The following CSMD1 variants were observed in gnomAD, a reference collection of about 807,000 sequenced individuals.
The protein encoded by CSMD1 is CUB and Sushi multiple domains 1, also known as CUB and sushi domain-containing protein 1.
A neutral mutation model predicts 417.5 loss-of-function variants in CSMD1; 213 were observed. That is an observed-to-expected ratio of 0.51 (90% CI 0.46 to 0.57). The LOEUF (loss-of-function observed/expected upper bound fraction) is 0.57. Among genes scored for constraint, CSMD1 ranks in the 20% least tolerant of loss-of-function variants. CSMD1 has a pLI of 0.00. For synonymous variants in CSMD1, 2,862 were observed against 1,736.8 expected, an observed-to-expected ratio of 1.65 and a Z score of -16.11; for missense variants, 6,923 against 4,529.7, an observed-to-expected ratio of 1.53 and a Z score of -15.17.
rs182988409 is a variant in CSMD1, at chr8:4,974,294, G to T, written c.85+20038C>A. Among the ~76,000 whole-genome samples, 385 of 152,050 alleles carry T rather than the reference G, an allele frequency of 2.5e-3. 2 individuals carry two copies. The highest frequency in any genetic ancestry group is 8.8e-3 in the African/African-American group (363 of 41,484). On this transcript the variant is annotated intron_variant, in intron 1 of 69. Transcript: ENST00000635120. ...ACCTGTCTCCACCTCCCAAAGTGCT[G>T]GGATTACAGGCGCAAGATTTTATTT...
chr8:2,965,611 G>C (rs1034049737), intron 59 of CSMD1, among the ~76,000 whole-genome samples, 164 bp downstream of exon 59: 2 of 152,156 alleles, frequency 1.3e-5, no homozygotes, highest in Non-Finnish European at 2.9e-5. Flanking sequence ...GTAAAACTGA[G>C]ATTAAAGTAT....
At chr8:3,642,071 C>T (rs989979500) in intron 7 of CSMD1, among the ~76,000 whole-genome samples, 4 of 152,040 alleles carry the variant, frequency 2.6e-5, no homozygotes, top group Non-Finnish European at 5.9e-5. Context: ...GATGGATACA[C>T]TGAGGGCAAA....
chr8:4,759,823 T>G (rs187217580), intron 1 of CSMD1, among the ~76,000 whole-genome samples: 1 of 152,224 alleles, frequency 6.6e-6, no homozygotes, highest in Non-Finnish European at 1.5e-5. Flanking sequence ...TGATGGACAT[T>G]TGGGTTGATT....
chr8:3,709,678 A>ATTTTTT (rs1563296488), intron 6 of CSMD1, among the ~76,000 whole-genome samples: 3 of 24,318 alleles, frequency 1.2e-4, no homozygotes, highest in Non-Finnish European at 2.7e-4. Flanking sequence ...TTGCAGCAGC[A>ATTTTTT]TGTTTTTTTT....
At chr8:4,248,651 G>C (rs919907968) in intron 3 of CSMD1, among the ~76,000 whole-genome samples, 1 of 151,960 alleles carries the variant, frequency 6.6e-6, no homozygotes, top group African/African-American at 2.4e-5. Flanking sequence ...ACACCATTAA[G>C]GACCACCCAC....
At chr8:3,968,806 GA>G (rs753072539) in intron 5 of CSMD1, among the ~76,000 whole-genome samples, 4 of 152,126 alleles carry the variant, frequency 2.6e-5, no homozygotes, top group African/African-American at 4.8e-5. Context: ...AATTAACAGA[GA>G]AAACACTGAT....
chr8:3,245,942 G>C lies in CSMD1; in HGVS notation c.4154-15711C>G, dbSNP rs544268045. On this transcript the variant is annotated intron_variant, in intron 26 of 69. Coordinates refer to ENST00000635120, the MANE Select transcript of CSMD1 (RefSeq NM_033225.6). ...CTTGAAAGCCTATTCAACAATAATA[G>C]TGTTTTTATTTTTTTCTCTATTACT... 3.9e-5 allele frequency among the ~76,000 whole-genome samples: 6 copies of C among 152,266 alleles called. No individual in the cohort carries two copies. In the East Asian group the frequency reaches 1.2e-3, roughly 29 times the overall value.
intron 1 of CSMD1, among the ~76,000 whole-genome samples, chr8:4,938,214 G>A (rs1807752461): frequency 6.6e-6 from 1 of 152,146 alleles, no homozygotes; most frequent in Non-Finnish European, 1.5e-5. Flanking sequence ...TACTAGTGAA[G>A]CTCTGGAGTG....
At chr8:3,519,712 G>A (rs185265048) in intron 10 of CSMD1, among the ~76,000 whole-genome samples, 18 of 152,228 alleles carry the variant, frequency 1.2e-4, no homozygotes, top group Admixed American at 4.6e-4. Flanking sequence ...AGTGGTGCAC[G>A]CTATACAATG....
At chr8:2,985,014 A>C (rs894872319) in intron 54 of CSMD1, among the ~76,000 whole-genome samples, 3 of 152,376 alleles carry the variant, frequency 2.0e-5, no homozygotes, top group Middle Eastern at 3.4e-3. Flanking sequence ...CTGAACAGAT[A>C]CTGGAACAAA....
At chr8:4,010,783 A>G (rs894008784) in intron 4 of CSMD1, among the ~76,000 whole-genome samples, 1 of 152,138 alleles carries the variant, frequency 6.6e-6, no homozygotes, top group Non-Finnish European at 1.5e-5. Flanking sequence ...TGCATTTACC[A>G]TAACTCTGCC....
chr8:4,234,355 T>A (rs1233936690), intron 3 of CSMD1, among the ~76,000 whole-genome samples: 1 of 152,090 alleles, frequency 6.6e-6, no homozygotes, highest in East Asian at 1.9e-4. Context: ...TGAAGCAGCC[T>A]CTCTGCAGGA....
intron 1 of CSMD1, among the ~76,000 whole-genome samples, chr8:4,694,669 A>C (rs1362288433): frequency 6.6e-6 from 1 of 151,828 alleles, no homozygotes; most frequent in East Asian, 2.0e-4. Context: ...AGCCCAATGT[A>C]CTTCCTAGAT....
intron 1 of CSMD1, among the ~76,000 whole-genome samples, chr8:4,987,784 TA>T (rs1325796609): frequency 3.3e-5 from 5 of 152,186 alleles, no homozygotes; most frequent in African/African-American, 1.2e-4. Flanking sequence ...TCATCTTGGC[TA>T]AAAGAAAGCC....
At chr8:3,304,095 A>G (rs565365171) in intron 25 of CSMD1, among the ~76,000 whole-genome samples, 5 of 152,114 alleles carry the variant, frequency 3.3e-5, no homozygotes, top group Non-Finnish European at 5.9e-5. Context: ...GCCTTTTCAT[A>G]TTTTCCAAGA....
At chr8:4,427,454 C>G (rs935646555) in intron 2 of CSMD1, among the ~76,000 whole-genome samples, 4 of 151,338 alleles carry the variant, frequency 2.6e-5, no homozygotes, top group East Asian at 2.0e-4. Flanking sequence ...AAGATGCAAT[C>G]AAGCAGGCAA....
At chr8:3,302,849 T>G (rs551867506) in intron 25 of CSMD1, among the ~76,000 whole-genome samples, 81 of 152,284 alleles carry the variant, frequency 5.3e-4, no homozygotes, top group Middle Eastern at 3.4e-3. Flanking sequence ...ATTTAACTAA[T>G]CTGTGGCAAC....
intron 3 of CSMD1, among the ~76,000 whole-genome samples, chr8:4,057,108 C>T (rs1369573588): frequency 6.6e-6 from 1 of 152,190 alleles, no homozygotes; most frequent in Non-Finnish European, 1.5e-5. Flanking sequence ...GAGGAATCGC[C>T]ACACTGACTT....
intron 5 of CSMD1, among the ~76,000 whole-genome samples, chr8:3,810,119 T>TG (rs1800979751): frequency 6.6e-6 from 1 of 152,182 alleles, no homozygotes; most frequent in Non-Finnish European, 1.5e-5. Context: ...TGCCTTGGTT[T>TG]GCCAAGAGTG....
Sources: allele counts gnomAD v4.1 joint callset (sites outside exome capture counted in the v4.1 genomes callset), GRCh38; gene constraint gnomAD v4.1.1; transcripts MANE v1.5; gene names NCBI Gene and HGNC (gene_info 2026-07-23, HGNC 2026-07-21).